Variants in TMEM272 observed in about 807,000 individuals in gnomAD.
TMEM272 encodes transmembrane protein 272.
In TMEM272, 8 loss-of-function variants were observed where a neutral mutation model predicts 3.7. The ratio of observed to expected loss-of-function variants is 2.17; its 90% CI spans 1.27 to 3.91. TMEM272 has a LOEUF of 3.91. Ranked by LOEUF, TMEM272 falls within the 30% of genes most tolerant of loss-of-function variation. The pLI is 0.00. For missense variants in TMEM272, 166 were observed against 91.5 expected (o/e 1.81, Z -3.32); for synonymous variants, 63 against 39.8 (o/e 1.58, Z -2.20).
At position 51,816,613 on chromosome 13, in the gene TMEM272, T is replaced by C; in HGVS notation, c.*138A>G. The C allele has an allele frequency of 3.4e-6, 2 of 590,416 alleles. No individual in the cohort carries two copies. Among genetic ancestry groups the C allele is most frequent in the Non-Finnish European group, 3.0e-6 (1 of 330,802 alleles). 36.6% of individuals were successfully genotyped at this position (590,416 alleles called of 1,614,324 possible). On this transcript the variant is annotated 3_prime_UTR_variant, in exon 5 of 5. Transcript: ENST00000629372. ...GCCTTTGGGTGGCTTTTTAAATGCC[T>C]TCAGGGAAGGTTTTATTACCTTTAT...
the TMEM272 span, among the ~76,000 whole-genome samples, chr13:51,877,903 T>C: frequency 6.6e-6 from 1 of 152,232 alleles, no homozygotes. Context: ...TAAATAGTCA[T>C]TGCTATTTTC....
the TMEM272 span, among the ~76,000 whole-genome samples, chr13:51,913,660 CCTT>C: frequency 2.0e-5 from 3 of 152,288 alleles, no homozygotes; most frequent in East Asian, 5.8e-4. Context: ...TGGTGCATGT[CCTT>C]CTGGGGGATG....
the TMEM272 span, among the ~76,000 whole-genome samples, chr13:51,881,421 T>C: frequency 6.6e-6 from 1 of 150,908 alleles, no homozygotes; most frequent in South Asian, 2.1e-4. Flanking sequence ...GCAGGAGGAA[T>C]GGAAGAATTT....
chr13:51,920,954 T>C, the TMEM272 span, among the ~76,000 whole-genome samples: 2 of 152,222 alleles, frequency 1.3e-5, no homozygotes, highest in African/African-American at 4.8e-5. Context: ...GCAACATTCC[T>C]GCACTCCAAT....
At chr13:51,913,733 C>A in the TMEM272 span, among the ~76,000 whole-genome samples, 1 of 152,204 alleles carries the variant, frequency 6.6e-6, no homozygotes, top group Non-Finnish European at 1.5e-5. Flanking sequence ...CTGCCCTCAT[C>A]TATTAGCCTT....
the TMEM272 span, among the ~76,000 whole-genome samples, chr13:51,916,999 G>A: frequency 6.6e-6 from 1 of 152,174 alleles, no homozygotes; most frequent in Non-Finnish European, 1.5e-5. Flanking sequence ...ATTCCCTTAT[G>A]CGGAGGAGGA....
chr13:51,853,921 T>A, the TMEM272 span, among the ~76,000 whole-genome samples: 1 of 152,252 alleles, frequency 6.6e-6, no homozygotes, highest in Non-Finnish European at 1.5e-5. Flanking sequence ...ATCTTTGCTC[T>A]ATTTTCTGAT....
the TMEM272 span, among the ~76,000 whole-genome samples, chr13:51,922,371 C>G: frequency 6.6e-6 from 1 of 152,228 alleles, no homozygotes; most frequent in Admixed American, 6.5e-5. Flanking sequence ...GTTCCCAGGA[C>G]TGCTGGGTTG....
chr13:51,908,176 T>C, the TMEM272 span: 1 of 620,258 alleles, frequency 1.6e-6, no homozygotes, highest in East Asian at 2.7e-5. Flanking sequence ...AAAATGAGAA[T>C]AGTCAAAATG....
At chr13:51,839,235 C>G (rs1475772061) in intron 1 of TMEM272, among the ~76,000 whole-genome samples, 2 of 152,184 alleles carry the variant, frequency 1.3e-5, no homozygotes, top group Non-Finnish European at 2.9e-5. Flanking sequence ...AAGGGCTTCC[C>G]TTCCTTGGAA....
the TMEM272 span, among the ~76,000 whole-genome samples, chr13:51,885,025 T>C: frequency 0.014 from 2,167 of 152,292 alleles, 53 homozygotes; most frequent in African/African-American, 0.05. Flanking sequence ...GTTGGTGCCA[T>C]GATTTGTATG....
the TMEM272 span, among the ~76,000 whole-genome samples, chr13:51,880,131 T>C: frequency 2.6e-5 from 4 of 152,148 alleles, no homozygotes; most frequent in South Asian, 8.3e-4. Flanking sequence ...TCAAATTTGA[T>C]TTGAGAACAT....
rs1956228477 is a variant in TMEM272 at position 51,837,787 on chromosome 13, C to G, written c.58+686G>C. Among the ~76,000 whole-genome samples the G allele has an allele frequency of 3.9e-5, 6 of 152,172 alleles. No homozygotes were observed. In the South Asian group the frequency reaches 1.2e-3, roughly 31 times the overall value. ...GGTGCCCAGGCACCCATCTGTCAGC[C>G]CCTTGTTCTGCTGACCCTCCACCTT... On this transcript the variant is annotated intron_variant, in intron 2 of 4. Transcript: ENST00000629372.
At chr13:51,920,630 C>A in the TMEM272 span, among the ~76,000 whole-genome samples, 1 of 152,176 alleles carries the variant, frequency 6.6e-6, no homozygotes, top group Non-Finnish European at 1.5e-5. Flanking sequence ...CTTTCTCACT[C>A]ACAGGGCAGT....
At chr13:51,847,653 G>A (rs932482436), upstream of TMEM272, among the ~76,000 whole-genome samples, 8 of 152,184 alleles carry the variant, frequency 5.3e-5, no homozygotes, top group African/African-American at 9.7e-5. Flanking sequence ...CACACTGAGT[G>A]AGTGGAAGCA....
At chr13:51,847,218 T>C (rs957493337), upstream of TMEM272, among the ~76,000 whole-genome samples, 1 of 152,164 alleles carries the variant, frequency 6.6e-6, no homozygotes, top group Admixed American at 6.5e-5. Flanking sequence ...ACAGTACTGG[T>C]CCCTAGCCTT....
At chr13:51,907,651 T>C in the TMEM272 span, among the ~76,000 whole-genome samples, 1 of 152,222 alleles carries the variant, frequency 6.6e-6, no homozygotes, top group Non-Finnish European at 1.5e-5. Context: ...TGTTTTTCCA[T>C]CACTCCTATC....
chr13:51,875,530 T>G, the TMEM272 span, among the ~76,000 whole-genome samples: 10 of 152,132 alleles, frequency 6.6e-5, no homozygotes, highest in Admixed American at 2.0e-4. Flanking sequence ...TTACCACACA[T>G]GACACATGAC....
chr13:51,869,130 T>C, the TMEM272 span, among the ~76,000 whole-genome samples: 1 of 152,222 alleles, frequency 6.6e-6, no homozygotes, highest in African/African-American at 2.4e-5. Flanking sequence ...GGCATCCCAC[T>C]GGCTGTCTAG....
Sources: gnomAD v4.1 joint callset for allele counts (sites outside exome capture counted in the v4.1 genomes callset) on GRCh38, gnomAD v4.1.1 for gene constraint, MANE v1.5 for transcripts, NCBI Gene and HGNC (gene_info 2026-07-23, HGNC 2026-07-21) for gene names.